ADAMTSL1: variants seen among roughly 807,000 people sequenced by gnomAD.
The protein encoded by ADAMTSL1 is ADAMTS-like protein 1.
ADAMTSL1 carries 126 observed loss-of-function variants against 201.8 expected under a neutral mutation model. That is an observed-to-expected ratio of 0.62 (90% confidence interval 0.54 to 0.72). The LOEUF is 0.72. Among genes scored for constraint, ADAMTSL1 ranks in the 30% least tolerant of loss-of-function variants. The pLI is 0.00. For synonymous variants in ADAMTSL1, 1,121 were observed against 903.4 expected, an observed-to-expected ratio of 1.24 and a Z score of -4.32; for missense variants, 2,679 against 2,277.8, an observed-to-expected ratio of 1.18 and a Z score of -3.59.
intron 1 of ADAMTSL1, among the ~76,000 whole-genome samples, chr9:18,476,043 A>G (rs771871613): frequency 6.6e-6 from 1 of 152,164 alleles, no homozygotes; most frequent in Non-Finnish European, 1.5e-5. Context: ...TTAAATTACA[A>G]TAATTGTATT....
intron 4 of ADAMTSL1, among the ~76,000 whole-genome samples, chr9:18,603,556 C>T (rs1824811466): frequency 6.6e-6 from 1 of 152,142 alleles, no homozygotes; most frequent in South Asian, 2.1e-4. Flanking sequence ...GTATTTAGGG[C>T]AGAGGCATCA....
chr9:17,994,891 G>A (rs1357512707), intron 1 of ADAMTSL1, among the ~76,000 whole-genome samples: 1 of 152,142 alleles, frequency 6.6e-6, no homozygotes, highest in African/African-American at 2.4e-5. Context: ...CAATTAAAAA[G>A]GAAATAGATG....
intron 2 of ADAMTSL1, among the ~76,000 whole-genome samples, chr9:18,528,066 C>CG (rs1819203154): frequency 6.6e-6 from 1 of 152,002 alleles, no homozygotes; most frequent in South Asian, 2.1e-4. Context: ...TTATTAGAGA[C>CG]GGGGTTTCAT....
At chr9:18,079,975 A>G (rs1438806474) in intron 1 of ADAMTSL1, among the ~76,000 whole-genome samples, 4 of 152,106 alleles carry the variant, frequency 2.6e-5, no homozygotes, top group Admixed American at 2.0e-4. Context: ...GAATTGTGGG[A>G]GTGCTTGACC....
At chr9:18,516,324 G>A (rs1287788065) in intron 2 of ADAMTSL1, among the ~76,000 whole-genome samples, 3 of 152,078 alleles carry the variant, frequency 2.0e-5, no homozygotes, top group South Asian at 2.1e-4. Flanking sequence ...ATACAATGGG[G>A]GATGGACAAT....
intron 1 of ADAMTSL1, among the ~76,000 whole-genome samples, chr9:18,130,873 C>G (rs1825923236): frequency 6.6e-6 from 1 of 152,114 alleles, no homozygotes; most frequent in Admixed American, 6.6e-5. Context: ...GGTTTGGCAG[C>G]TTAAGTATCC....
chr9:18,167,488 T>C (rs989323658), intron 2 of ADAMTSL1, among the ~76,000 whole-genome samples: 1 of 151,908 alleles, frequency 6.6e-6, no homozygotes, highest in Non-Finnish European at 1.5e-5. Context: ...AAAGAGTTTG[T>C]TTTTTAGGGC....
intron 1 of ADAMTSL1, among the ~76,000 whole-genome samples, chr9:18,018,436 G>C (rs1820346824): frequency 6.6e-6 from 1 of 152,006 alleles, no homozygotes. Flanking sequence ...TGAATGAATA[G>C]TAATTCCCTC....
chr9:18,207,392 T>G (rs138340900), intron 2 of ADAMTSL1, among the ~76,000 whole-genome samples: 1 of 152,124 alleles, frequency 6.6e-6, no homozygotes. Flanking sequence ...AAGCCTTAGG[T>G]TCAGTAACTT....
chr9:18,235,286 G>A (rs982976542), intron 2 of ADAMTSL1, among the ~76,000 whole-genome samples: 1 of 152,188 alleles, frequency 6.6e-6, no homozygotes, highest in African/African-American at 2.4e-5. Flanking sequence ...TTTTCATCAT[G>A]ACTAGGTTGG....
chr9:17,945,788 G>C (rs1279927364), intron 1 of ADAMTSL1, among the ~76,000 whole-genome samples: 2 of 137,802 alleles, frequency 1.5e-5, no homozygotes, highest in Admixed American at 7.8e-5. Context: ...GACACAGGAG[G>C]GGGAACATCA....
chr9:17,987,554 T>C (rs1460238691), intron 1 of ADAMTSL1, among the ~76,000 whole-genome samples: 1 of 151,872 alleles, frequency 6.6e-6, no homozygotes, highest in Admixed American at 6.6e-5. Flanking sequence ...AGTGTGTTTG[T>C]AATAGTTTGT....
chr9:18,114,921 T>C (rs1473616451), intron 1 of ADAMTSL1, among the ~76,000 whole-genome samples: 3 of 152,200 alleles, frequency 2.0e-5, no homozygotes, highest in African/African-American at 7.2e-5. Context: ...TCAAGAGAGT[T>C]TGGACATAAG....
At chr9:18,561,061 G>T (rs560932022) in intron 3 of ADAMTSL1, among the ~76,000 whole-genome samples, 1 of 151,316 alleles carries the variant, frequency 6.6e-6, no homozygotes, top group East Asian at 2.0e-4. Context: ...TTGAATTCCT[G>T]TTCCTGTTTT....
intron 4 of ADAMTSL1, among the ~76,000 whole-genome samples, chr9:18,597,627 A>G (rs1010872384): frequency 9.9e-5 from 15 of 152,142 alleles, no homozygotes; most frequent in African/African-American, 3.4e-4. Context: ...ATTGTTTAAA[A>G]AATGTTAAAA....
intron 2 of ADAMTSL1, among the ~76,000 whole-genome samples, chr9:18,343,161 A>G (rs570697973): frequency 6.6e-6 from 1 of 152,156 alleles, no homozygotes; most frequent in Admixed American, 6.6e-5. Context: ...TCTTGTCTCT[A>G]TAGGAAATAA....
intron 2 of ADAMTSL1, among the ~76,000 whole-genome samples, chr9:18,176,490 G>T (rs541261955): frequency 1.3e-5 from 2 of 151,978 alleles, no homozygotes; most frequent in South Asian, 4.2e-4. Context: ...TCTGTATCAC[G>T]TGCTGCCTTA....
At chr9:18,312,392 G>A (rs375163517) in intron 2 of ADAMTSL1, among the ~76,000 whole-genome samples, 9 of 152,320 alleles carry the variant, frequency 5.9e-5, no homozygotes, top group East Asian at 3.9e-4. Context: ...GTGCCACATC[G>A]TTGTATCTAA....
intron 20 of ADAMTSL1, among the ~76,000 whole-genome samples, chr9:18,803,767 C>T (rs1822941059): frequency 6.6e-6 from 1 of 152,038 alleles, no homozygotes; most frequent in Non-Finnish European, 1.5e-5. Context: ...CTGAATATAG[C>T]CTTGAGGCTA....
Sources: allele counts gnomAD v4.1 joint callset (sites outside exome capture counted in the v4.1 genomes callset), GRCh38; gene constraint gnomAD v4.1.1; transcripts MANE v1.5; gene names NCBI Gene and HGNC (gene_info 2026-07-23, HGNC 2026-07-21).